The following TRAK1 variants were observed in gnomAD, a reference collection of about 807,000 sequenced individuals.
TRAK1 encodes the protein trafficking kinesin-binding protein 1.
In TRAK1, 33 loss-of-function variants were observed where a neutral mutation model predicts 92.1. The ratio of observed to expected loss-of-function variants is 0.36; its 90% confidence interval spans 0.27 to 0.48. The LOEUF (loss-of-function observed/expected upper bound fraction) is 0.48, where lower values mean the gene tolerates loss of function less well. Among genes scored for constraint, TRAK1 ranks in the 20% least tolerant of loss-of-function variants. The pLI is 0.99. For synonymous variants in TRAK1, 521 were observed against 517.3 expected (o/e 1.01, Z -0.10); for missense variants, 1,123 against 1,257.9 (o/e 0.89, Z 1.62).
chr3:42,152,525 AG>A (rs1700072542), intron 2 of TRAK1, among the ~76,000 whole-genome samples: 1 of 152,240 alleles, frequency 6.6e-6, no homozygotes, highest in Admixed American at 6.5e-5. Context: ...GACTCACATC[AG>A]ACTAGGAGAA....
chr3:42,209,882 C>T lies in TRAK1; in HGVS notation c.1860C>T (p.Asp620=), dbSNP rs146401885. The T allele has an allele frequency of 9.3e-4, 1,509 of 1,614,186 alleles. 4 individuals carry two copies. Among genetic ancestry groups the T allele is most frequent in the Non-Finnish European group, 1.1e-3 (1,343 of 1,180,046 alleles). ...TCCGGACGCTGGATGTTGACCTGGA[C>T]GAAGTGTACTGCCTTAACGACTTTG... is the stretch of plus-strand genomic sequence containing the variant. ...KGFRTLDVDL[D]EVYCLNDFEE... is the part of the protein sequence containing the mutation. Residue 620 remains aspartate, a synonymous_variant, in exon 14 of 16, where the codon GAC becomes GAT. Transcript: ENST00000327628.
intron 1 of TRAK1, among the ~76,000 whole-genome samples, chr3:42,102,512 G>A (rs183006752): frequency 1.3e-5 from 2 of 152,298 alleles, no homozygotes; most frequent in East Asian, 3.9e-4. Context: ...GCCCAGCAAG[G>A]TCAAGGTTCT....
At chr3:42,206,265 C>T (rs990127828) in intron 13 of TRAK1, among the ~76,000 whole-genome samples, 1 of 152,148 alleles carries the variant, frequency 6.6e-6, no homozygotes, top group African/African-American at 2.4e-5. Flanking sequence ...GTTTGGCAAA[C>T]CCCGCTGGGA....
rs1157067369 is a variant in TRAK1 at position 42,054,904 on chromosome 3, AT to A, written c.-518-32166del. The stretch of plus-strand genomic sequence containing the variant: ...TTGTAAATGATCTACAGCAAACTAG[AT>A]TTTTTTTTTTTTTTTTTTTTTTTTT... On this transcript the variant is annotated intron_variant, in intron 1 of 16. Coordinates refer to the TRAK1 transcript ENST00000487159. 5.4e-4 allele frequency among the ~76,000 whole-genome samples: 20 copies of A among 37,106 alleles called. No homozygotes were observed. The East Asian group carries it at 5.5e-3, about 10-fold the overall frequency. 24.3% of individuals were successfully genotyped at this position (37,106 alleles called of 152,430 possible). A position where few individuals can be genotyped will look rare whatever the true frequency, so the allele number is the denominator to read the frequency against.
At position 42,200,947 on chromosome 3, in the gene TRAK1, C is replaced by T. The variant is rs1707439821; in HGVS notation, c.1320C>T (p.Ser440=). The T allele has an allele frequency of 3.1e-6, 5 of 1,614,090 alleles. No individual in the cohort carries two copies. Among genetic ancestry groups the T allele is most frequent in the Non-Finnish European group, 4.2e-6 (5 of 1,180,054 alleles). Residue 440 remains serine, a synonymous_variant, in exon 12 of 16, where the codon AGC becomes AGT. Coordinates refer to ENST00000327628, the MANE Select transcript of TRAK1 (RefSeq NM_001042646.3). The part of the protein sequence containing the change: ...QSSAMNSLLS[S]CVSTPRSSFY... ...CGGCCATGAACTCCCTCCTGTCCAG[C>T]TGCGTCAGCACCCCCCGGTCCAGCT...
At chr3:42,024,856 C>G (rs535775998) in intron 1 of TRAK1, among the ~76,000 whole-genome samples, 1 of 152,324 alleles carries the variant, frequency 6.6e-6, no homozygotes, top group South Asian at 2.1e-4. Flanking sequence ...TCCTGGCTGT[C>G]AGGATGTGTT....
At chr3:42,078,376 G>A (rs1442130019) in intron 1 of TRAK1, among the ~76,000 whole-genome samples, 2 of 152,178 alleles carry the variant, frequency 1.3e-5, no homozygotes, top group South Asian at 2.1e-4. Flanking sequence ...CCTTAAGATA[G>A]GGAGATTGTC....
chr3:42,084,641 A>G (rs1313685324), upstream of TRAK1, among the ~76,000 whole-genome samples: 1 of 152,064 alleles, frequency 6.6e-6, no homozygotes, highest in Admixed American at 6.5e-5. Context: ...ACCCTTGACC[A>G]TCATTGGTGA....
intron 1 of TRAK1, among the ~76,000 whole-genome samples, chr3:42,114,330 C>T (rs1708884984): frequency 6.6e-6 from 1 of 152,192 alleles, no homozygotes; most frequent in South Asian, 2.1e-4. Context: ...TAAGCAGTGG[C>T]AGGAATTTGC....
At chr3:42,095,074 C>G (rs1474648554) in intron 1 of TRAK1, among the ~76,000 whole-genome samples, 1 of 152,236 alleles carries the variant, frequency 6.6e-6, no homozygotes, top group Non-Finnish European at 1.5e-5. Flanking sequence ...CAGACACATT[C>G]AGAATCATTC....
intron 1 of TRAK1, among the ~76,000 whole-genome samples, chr3:42,035,321 T>C (rs1190106167): frequency 2.0e-5 from 3 of 152,162 alleles, no homozygotes; most frequent in Non-Finnish European, 4.4e-5. Flanking sequence ...CTCCTGGTGA[T>C]CTCGCCAGGC....
chr3:42,066,242 C>T (rs1305593838), intron 1 of TRAK1, among the ~76,000 whole-genome samples: 1 of 152,192 alleles, frequency 6.6e-6, no homozygotes, highest in Non-Finnish European at 1.5e-5. Context: ...ACGAGAATCT[C>T]TTGATTCTCG....
At chr3:42,208,228 A>G (rs1037291452) in intron 13 of TRAK1, among the ~76,000 whole-genome samples, 5 of 152,082 alleles carry the variant, frequency 3.3e-5, no homozygotes, top group African/African-American at 9.7e-5. Flanking sequence ...GTATGTTGCT[A>G]TTGTACCCGT....
At chr3:42,156,692 T>A (rs934364469) in intron 2 of TRAK1, among the ~76,000 whole-genome samples, 4 of 152,178 alleles carry the variant, frequency 2.6e-5, no homozygotes, top group African/African-American at 9.6e-5. Context: ...TCCACATAAA[T>A]GACTAAGACA....
At chr3:42,171,157 TAA>T (rs1213988842) in intron 2 of TRAK1, among the ~76,000 whole-genome samples, 1 of 152,178 alleles carries the variant, frequency 6.6e-6, no homozygotes, top group African/African-American at 2.4e-5. Flanking sequence ...GTTTGAGTTA[TAA>T]GTGTCTTCTT....
chr3:42,086,396 C>T (rs995312767), upstream of TRAK1, among the ~76,000 whole-genome samples: 1 of 151,310 alleles, frequency 6.6e-6, no homozygotes, highest in Non-Finnish European at 1.5e-5. Context: ...ACCTCTGCCT[C>T]CCCGGTTCAA....
At chr3:42,105,403 G>A (rs1707395066) in intron 1 of TRAK1, among the ~76,000 whole-genome samples, 1 of 152,130 alleles carries the variant, frequency 6.6e-6, no homozygotes, top group Admixed American at 6.5e-5. Context: ...TTGATCAACT[G>A]GAAGAAAGGA....
chr3:42,160,109 T>G, intron 2 of TRAK1: 5 of 781,992 alleles, frequency 6.4e-6, no homozygotes, highest in Non-Finnish European at 8.2e-6. Flanking sequence ...CGCCAAGTGC[T>G]CCACCCCACC....
At chr3:42,104,589 G>A (rs181976956) in intron 1 of TRAK1, among the ~76,000 whole-genome samples, 19 of 152,348 alleles carry the variant, frequency 1.2e-4, no homozygotes, top group African/African-American at 4.1e-4. Flanking sequence ...AACAGGGTCT[G>A]GAGTGGACCT....
Sources: gnomAD v4.1 joint callset for allele counts (sites outside exome capture counted in the v4.1 genomes callset) on GRCh38, gnomAD v4.1.1 for gene constraint, MANE v1.5 for transcripts, NCBI Gene and HGNC (gene_info 2026-07-23, HGNC 2026-07-21) for gene names.